The following OSCP1 variants were observed in gnomAD, a reference collection of about 807,000 sequenced individuals.
The protein encoded by OSCP1 is organic solute carrier partner 1.
A neutral mutation model predicts 45.1 loss-of-function variants in OSCP1; 35 were observed. That is an observed-to-expected ratio of 0.78 (90% CI 0.59 to 1.03). OSCP1 has a LOEUF of 1.03. OSCP1 is among the 50% of genes least tolerant of loss of function. The pLI is 0.00. For missense variants in OSCP1, 400 were observed against 470.7 expected, an observed-to-expected ratio of 0.85 and a Z score of 1.39; for synonymous variants, 179 against 180.1, an observed-to-expected ratio of 0.99 and a Z score of 0.05.
chr1:36,434,166 A>G (rs1408388146), intron 2 of OSCP1, among the ~76,000 whole-genome samples: 3 of 152,274 alleles, frequency 2.0e-5, no homozygotes, highest in East Asian at 3.9e-4. Context: ...ACTTAAGGAC[A>G]TGTCTGGGGC....
chr1:36,423,871 C>T (rs1159654502), intron 4 of OSCP1, among the ~76,000 whole-genome samples: 1 of 150,764 alleles, frequency 6.6e-6, no homozygotes, highest in Admixed American at 6.6e-5. Flanking sequence ...AAGACTTCAT[C>T]TCAAAAAAAT....
intron 1 of OSCP1, among the ~76,000 whole-genome samples, chr1:36,448,610 G>C (rs985688370): frequency 6.6e-6 from 1 of 152,322 alleles, no homozygotes; most frequent in South Asian, 2.1e-4. Context: ...GCTGCTATGA[G>C]AGCATGCACA....
At chr1:36,426,879 T>C (rs1647994507) in intron 4 of OSCP1, among the ~76,000 whole-genome samples, 1 of 152,052 alleles carries the variant, frequency 6.6e-6, no homozygotes, top group African/African-American at 2.4e-5. Flanking sequence ...CTAATTTTTG[T>C]ATTCTTAGTA....
chr1:36,433,572 C>G (rs993142848), intron 2 of OSCP1, among the ~76,000 whole-genome samples: 1 of 152,138 alleles, frequency 6.6e-6, no homozygotes, highest in African/African-American at 2.4e-5. Flanking sequence ...CTGATGGGCT[C>G]ACTTGTACCC....
At chr1:36,428,393 T>A (rs1450763390) in intron 4 of OSCP1, 19 of 1,614,058 alleles carry the variant, frequency 1.2e-5, no homozygotes, top group African/African-American at 2.7e-5. Context: ...CCTTCTCCTG[T>A]CCTCCATATA....
At chr1:36,449,574 C>T (rs889975781) in intron 1 of OSCP1, among the ~76,000 whole-genome samples, 4 of 151,994 alleles carry the variant, frequency 2.6e-5, no homozygotes, top group Non-Finnish European at 5.9e-5. Flanking sequence ...CGGTGGCTCA[C>T]GCCTATAATC....
At position 36,423,452 on chromosome 1, in the gene OSCP1, T is replaced by C; in HGVS notation, c.531A>G (p.Leu177=). 6.2e-7 allele frequency: 1 copy of C among 1,609,882 alleles called. No homozygotes were observed. The highest frequency in any genetic ancestry group is 8.5e-7 in the Non-Finnish European group (1 of 1,177,744). Reference sequence around the variant, plus strand: ...CGTTATTATTCTGAACTTTGTCCTTTAGAAACATGGATACCTGGAAAAAAA... The same window carrying C: ...CGTTATTATTCTGAACTTTGTCCTTCAGAAACATGGATACCTGGAAAAAAA... The part of the protein sequence containing the change: ...QDLHIRVSMF[L]KDKVQNNNGR... The change falls in exon 5 of 10, where the codon CTA becomes CTG. Residue 177 remains leucine, a synonymous_variant. Transcript: ENST00000235532.
chr1:36,433,027 C>T (rs920455333), intron 2 of OSCP1, among the ~76,000 whole-genome samples: 1 of 152,220 alleles, frequency 6.6e-6, no homozygotes, highest in African/African-American at 2.4e-5. Context: ...AAAATACTCT[C>T]TAATTTCCCA....
intron 8 of OSCP1, 115 bp from the exon 9 acceptor site, chr1:36,419,169 T>G: frequency 3.4e-6 from 3 of 878,724 alleles, no homozygotes; most frequent in Non-Finnish European, 5.7e-6. Flanking sequence ...CTGCCATTTC[T>G]CTTAAACTTT....
chr1:36,427,507 C>CG (rs1170722428), intron 4 of OSCP1, among the ~76,000 whole-genome samples: 1 of 147,962 alleles, frequency 6.8e-6, no homozygotes, highest in Non-Finnish European at 1.5e-5. Flanking sequence ...TTAGTAGAGA[C>CG]GGGGTTTCAC....
rs762693644 is a variant in OSCP1, at chr1:36,417,909, A to C, written c.*230T>G. Reference sequence around the variant, plus strand: ...ATTAAGAATAAAATGGGAAAGGTCAAGTTTAAAAGTCAGAATATATTTCAC... The same window carrying C: ...ATTAAGAATAAAATGGGAAAGGTCACGTTTAAAAGTCAGAATATATTTCAC... On this transcript the variant is annotated 3_prime_UTR_variant, in exon 10 of 10. Coordinates refer to ENST00000235532, the MANE Select transcript of OSCP1 (RefSeq NM_145047.5). 5.7e-5 allele frequency: 23 copies of C among 404,330 alleles called. No individual in the cohort carries two copies. Among genetic ancestry groups the C allele is most frequent in the Non-Finnish European group, 9.2e-5 (21 of 227,312 alleles). 25.0% of individuals were successfully genotyped at this position (404,330 alleles called of 1,614,324 possible).
intron 2 of OSCP1, 68 bp downstream of exon 2, chr1:36,438,688 C>A: frequency 3.3e-6 from 5 of 1,519,044 alleles, no homozygotes; most frequent in Admixed American, 2.1e-5. Context: ...CATGTGACCC[C>A]AGTCTATGAT....
intron 7 of OSCP1, 83 bp downstream of exon 7, chr1:36,422,067 C>A (rs889370687): frequency 1.5e-5 from 20 of 1,356,468 alleles, no homozygotes; most frequent in Non-Finnish European, 2.1e-5. Context: ...GATCCGAAAT[C>A]TAAAGCGTTC....
At chr1:36,423,677 A>G (rs1046680707) in intron 4 of OSCP1, among the ~76,000 whole-genome samples, 2 of 151,928 alleles carry the variant, frequency 1.3e-5, no homozygotes, top group African/African-American at 4.8e-5. Context: ...GATAGAGACT[A>G]TCCTGGCTAA....
intron 1 of OSCP1, among the ~76,000 whole-genome samples, chr1:36,449,867 A>AAAAAAAAAAG (rs1649785160): frequency 7.2e-6 from 1 of 138,356 alleles, no homozygotes; most frequent in African/African-American, 2.7e-5. Flanking sequence ...AAAAAAAAAA[A>AAAAAAAAAAG]ATCAGAACCT....
At chr1:36,445,969 T>G (rs1322571831) in intron 1 of OSCP1, among the ~76,000 whole-genome samples, 1 of 151,826 alleles carries the variant, frequency 6.6e-6, no homozygotes, top group Non-Finnish European at 1.5e-5. Flanking sequence ...CACCTTGGCC[T>G]CCCAAAGTGC....
At chr1:36,436,405 C>G (rs774321847) in intron 2 of OSCP1, among the ~76,000 whole-genome samples, 1 of 151,906 alleles carries the variant, frequency 6.6e-6, no homozygotes, top group African/African-American at 2.4e-5. Context: ...CCACCGCGCC[C>G]GGCCCTCTCT....
chr1:36,444,456 G>A (rs981523478), intron 1 of OSCP1, among the ~76,000 whole-genome samples: 20 of 152,028 alleles, frequency 1.3e-4, no homozygotes, highest in Non-Finnish European at 1.9e-4. Flanking sequence ...TACAATCTGA[G>A]TTTTCTTTTC....
chr1:36,430,954 C>T (rs184052305), intron 4 of OSCP1, among the ~76,000 whole-genome samples: 5 of 152,276 alleles, frequency 3.3e-5, no homozygotes, highest in African/African-American at 7.2e-5. Flanking sequence ...TGCGCTCCGC[C>T]GACTCTATGG....
Sources: allele counts gnomAD v4.1 joint callset (sites outside exome capture counted in the v4.1 genomes callset), GRCh38; gene constraint gnomAD v4.1.1; transcripts MANE v1.5; gene names NCBI Gene and HGNC (gene_info 2026-07-23, HGNC 2026-07-21).